ELAVL2: variants seen among roughly 807,000 people sequenced by gnomAD.
The protein encoded by ELAVL2 is ELAV like RNA binding protein 2.
ELAVL2 carries 4 observed loss-of-function variants against 34.6 expected under a neutral mutation model. That is an observed-to-expected ratio of 0.12 (90% confidence interval 0.06 to 0.26). The LOEUF is 0.26. Among genes scored for constraint, ELAVL2 ranks in the 10% least tolerant of loss-of-function variants. ELAVL2 has a pLI of 1.00. For missense variants in ELAVL2, 432 were observed against 442.8 expected (o/e 0.98, Z 0.22); for synonymous variants, 193 against 154.8 (o/e 1.25, Z -1.83).
At chr9:23,751,042 G>C (rs1020972437) in intron 2 of ELAVL2, among the ~76,000 whole-genome samples, 3 of 151,962 alleles carry the variant, frequency 2.0e-5, no homozygotes, top group African/African-American at 4.8e-5. Context: ...GTTGTAAAGA[G>C]TCAAGGGCCC....
chr9:23,772,855 T>C (rs1319737380), intron 1 of ELAVL2, among the ~76,000 whole-genome samples: 1 of 152,220 alleles, frequency 6.6e-6, no homozygotes, highest in Non-Finnish European at 1.5e-5. Context: ...AACTATGTTT[T>C]ATTTACTATG....
chr9:23,772,315 T>C (rs1588330094), intron 1 of ELAVL2, among the ~76,000 whole-genome samples: 1 of 152,060 alleles, frequency 6.6e-6, no homozygotes, highest in Non-Finnish European at 1.5e-5. Context: ...CTCTGTCATG[T>C]ACAAACTCCA....
At chr9:23,799,352 A>G (rs1026414044) in intron 1 of ELAVL2, among the ~76,000 whole-genome samples, 1 of 152,158 alleles carries the variant, frequency 6.6e-6, no homozygotes. Flanking sequence ...CCCATCCCGC[A>G]TTTTAAGAGA....
At chr9:23,695,298 T>C (rs1272096001) in intron 5 of ELAVL2, among the ~76,000 whole-genome samples, 1 of 152,218 alleles carries the variant, frequency 6.6e-6, no homozygotes, top group African/African-American at 2.4e-5. Flanking sequence ...CCAACCAAAG[T>C]GCTAGAAGAC....
At chr9:23,803,341 T>C (rs1272666506) in intron 1 of ELAVL2, among the ~76,000 whole-genome samples, 4 of 152,206 alleles carry the variant, frequency 2.6e-5, no homozygotes, top group African/African-American at 9.6e-5. Flanking sequence ...CTATTACATG[T>C]TTCATGTTGC....
At chr9:23,816,715 G>A (rs752496706) in intron 1 of ELAVL2, among the ~76,000 whole-genome samples, 6 of 152,032 alleles carry the variant, frequency 3.9e-5, no homozygotes, top group South Asian at 2.1e-4. Flanking sequence ...AGACTCTCTC[G>A]ATATAGGGCA....
chr9:23,714,756 A>G (rs902838267), intron 3 of ELAVL2, among the ~76,000 whole-genome samples: 1 of 152,194 alleles, frequency 6.6e-6, no homozygotes, highest in Non-Finnish European at 1.5e-5. Flanking sequence ...GAAATGTGTT[A>G]CAAGCTACCA....
At chr9:23,767,359 A>G (rs2056489379) in intron 1 of ELAVL2, among the ~76,000 whole-genome samples, 2 of 152,226 alleles carry the variant, frequency 1.3e-5, no homozygotes, top group South Asian at 2.1e-4. Flanking sequence ...TTTCCTGGTC[A>G]CATGAGAGAA....
intron 1 of ELAVL2, among the ~76,000 whole-genome samples, chr9:23,820,246 G>A (rs1433228402): frequency 6.6e-6 from 1 of 152,196 alleles, no homozygotes; most frequent in Non-Finnish European, 1.5e-5. Flanking sequence ...TATTCGAATG[G>A]TTTTAAATGG....
intron 3 of ELAVL2, among the ~76,000 whole-genome samples, chr9:23,721,717 A>G (rs1382096812): frequency 6.6e-6 from 1 of 152,166 alleles, no homozygotes; most frequent in Admixed American, 6.5e-5. Flanking sequence ...CTCAACATAA[A>G]CATGACAAGG....
At chr9:23,714,113 C>T (rs1464747096) in intron 3 of ELAVL2, among the ~76,000 whole-genome samples, 1 of 152,134 alleles carries the variant, frequency 6.6e-6, no homozygotes, top group South Asian at 2.1e-4. Flanking sequence ...ATAATGATAG[C>T]TCCTAACACT....
At chr9:23,799,202 A>G (rs2061309531) in intron 1 of ELAVL2, among the ~76,000 whole-genome samples, 1 of 152,128 alleles carries the variant, frequency 6.6e-6, no homozygotes, top group African/African-American at 2.4e-5. Flanking sequence ...CTACCAAAAA[A>G]CCCAAAATAC....
intron 2 of ELAVL2, among the ~76,000 whole-genome samples, chr9:23,736,260 A>G (rs184138115): frequency 6.6e-6 from 1 of 152,186 alleles, no homozygotes; most frequent in African/African-American, 2.4e-5. Flanking sequence ...AAAATTGTGG[A>G]AAATAAAATT....
chr9:23,794,044 C>T (rs930650830), intron 1 of ELAVL2, among the ~76,000 whole-genome samples: 1 of 152,312 alleles, frequency 6.6e-6, no homozygotes, highest in Admixed American at 6.5e-5. Flanking sequence ...AGAATGGAGA[C>T]ATAAAATTCT....
At chr9:23,830,923 G>A (rs543155078), upstream of ELAVL2, among the ~76,000 whole-genome samples, 109 of 152,102 alleles carry the variant, frequency 7.2e-4, no homozygotes, top group African/African-American at 2.6e-3. Flanking sequence ...CAAAAAACCC[G>A]GAGGTGAAAA....
At chr9:23,837,550 G>A in the ELAVL2 span, among the ~76,000 whole-genome samples, 1 of 152,160 alleles carries the variant, frequency 6.6e-6, no homozygotes, top group Non-Finnish European at 1.5e-5. Context: ...AACTGAGGAA[G>A]TTAAGTAATT....
chr9:23,723,377 C>T (rs1477176086), intron 3 of ELAVL2, among the ~76,000 whole-genome samples: 1 of 151,824 alleles, frequency 6.6e-6, no homozygotes, highest in Non-Finnish European at 1.5e-5. Context: ...ACAATGAGAA[C>T]ACACGGACAC....
chr9:23,715,681 G>C (rs2042111441), intron 3 of ELAVL2, among the ~76,000 whole-genome samples: 1 of 152,130 alleles, frequency 6.6e-6, no homozygotes, highest in Non-Finnish European at 1.5e-5. Context: ...ATACTATCAA[G>C]ATAACCATGG....
At chr9:23,764,425 C>T (rs183858572) in intron 1 of ELAVL2, among the ~76,000 whole-genome samples, 7 of 152,222 alleles carry the variant, frequency 4.6e-5, no homozygotes, top group East Asian at 1.9e-4. Context: ...AGGCTGTGTG[C>T]GCTGAAAATT....
Sources: allele counts gnomAD v4.1 joint callset (sites outside exome capture counted in the v4.1 genomes callset), GRCh38; gene constraint gnomAD v4.1.1; transcripts MANE v1.5; gene names NCBI Gene and HGNC (gene_info 2026-07-23, HGNC 2026-07-21).